Variants in GSTCD observed in about 807,000 individuals in gnomAD.
The protein encoded by GSTCD is glutathione S-transferase C-terminal domain containing, also known as glutathione S-transferase C-terminal domain-containing protein.
GSTCD carries 44 observed loss-of-function variants against 68.3 expected under a neutral mutation model. The ratio of observed to expected loss-of-function variants is 0.64; its 90% confidence interval spans 0.51 to 0.83. The LOEUF (loss-of-function observed/expected upper bound fraction) is 0.83. Ranked by LOEUF, GSTCD falls within the 40% of genes least tolerant of loss-of-function variation. GSTCD has a pLI of 0.00. For missense variants in GSTCD, 739 were observed against 735.9 expected, an observed-to-expected ratio of 1.00 and a Z score of -0.05; for synonymous variants, 273 against 255.2, an observed-to-expected ratio of 1.07 and a Z score of -0.67.
chr4:105,825,558 A>G, intron 7 of GSTCD, 114 bp from the exon 8 acceptor site: 1 of 585,780 alleles, frequency 1.7e-6, no homozygotes, highest in Non-Finnish European at 3.0e-6. Flanking sequence ...CACAGAATAG[A>G]GGCTCAATAT....
Position 105,847,252 on chromosome 4 carries a change from T to TA in GSTCD, c.*1675_*1676insA, listed in dbSNP as rs1724584529. On this transcript the variant is annotated 3_prime_UTR_variant, in exon 12 of 12. Transcript: ENST00000515279. The stretch of plus-strand genomic sequence containing the variant: ...TATCATGAGGAGAAAGCACTATCAT[T>TA]GATCATCACTATGGATTAAAATATA... 1 of 151,092 alleles carries TA rather than the reference T, an allele frequency of 6.6e-6. No homozygotes were observed. The highest frequency in any genetic ancestry group is 1.5e-5 in the Non-Finnish European group (1 of 67,948). 9.4% of individuals were successfully genotyped at this position (151,092 alleles called of 1,614,324 possible). A position where few individuals can be genotyped will look rare whatever the true frequency, so the allele number is the denominator to read the frequency against.
At chr4:105,771,535 T>A (rs1202088380) in intron 5 of GSTCD, among the ~76,000 whole-genome samples, 1 of 152,222 alleles carries the variant, frequency 6.6e-6, no homozygotes, top group East Asian at 1.9e-4. Context: ...CCATCTTAAG[T>A]TAATTATTGT....
chr4:105,843,859 CAAACT>C (rs1724449720), intron 11 of GSTCD, among the ~76,000 whole-genome samples: 1 of 121,090 alleles, frequency 8.3e-6, no homozygotes, highest in African/African-American at 3.3e-5. Flanking sequence ...TTTTAGGTAT[CAAACT>C]AAAGGGGAGT....
intron 1 of GSTCD, among the ~76,000 whole-genome samples, chr4:105,712,942 A>C (rs2149201694): frequency 6.6e-6 from 1 of 152,252 alleles, no homozygotes; most frequent in African/African-American, 2.4e-5. Context: ...TACATGTAAG[A>C]GTCAGATCAT....
At chr4:105,722,024 A>G (rs937950417) in intron 3 of GSTCD, among the ~76,000 whole-genome samples, 1 of 152,152 alleles carries the variant, frequency 6.6e-6, no homozygotes, top group Admixed American at 6.5e-5. Context: ...GTAAGCAAGT[A>G]CACTTTGACA....
chr4:105,719,508 C>G lies in GSTCD; in HGVS notation c.875C>G (p.Pro292Arg). The G allele has an allele frequency of 6.2e-7, 1 of 1,613,350 alleles. No individual in the cohort carries two copies. Among genetic ancestry groups the G allele is most frequent in the Non-Finnish European group, 8.5e-7 (1 of 1,179,400 alleles). Residue 292 changes from proline (P) to arginine (R), a missense_variant, in exon 3 of 12, where the codon CCC becomes CGC. Coordinates refer to ENST00000515279, the MANE Select transcript of GSTCD (RefSeq NM_001370181.1). Reference sequence around the variant, plus strand: ...ACTCTGGCAGATATTGTGCTCTTGCCCTGTATCCATCATTTCTTGGTAAGG... The same window carrying G: ...ACTCTGGCAGATATTGTGCTCTTGCGCTGTATCCATCATTTCTTGGTAAGG... ...YFTLADIVLL[P>R]CIHHFLVIIS...
rs551749092 is a variant in GSTCD, at chr4:105,717,826, T to G, written c.213T>G (p.Val71=). 128 of 1,614,128 alleles carry G rather than the reference T, an allele frequency of 7.9e-5. 4 individuals are homozygous for G. In the South Asian group the frequency reaches 1.3e-3, roughly 16 times the overall value. ...TAAGAGATGACCTGATCCAGGATGT[T>G]GAAATACAGATTATTTCAAGGCAGG... The part of the protein sequence containing the change: ...SLLRDDLIQD[V]EIQIISRQEL... The change falls in exon 2 of 12, where the codon GTT becomes GTG. Residue 71 remains valine, a synonymous_variant. Coordinates refer to ENST00000515279, the MANE Select transcript of GSTCD (RefSeq NM_001370181.1).
chr4:105,805,371 A>G (rs1426047526), intron 5 of GSTCD, among the ~76,000 whole-genome samples: 1 of 152,164 alleles, frequency 6.6e-6, no homozygotes, highest in African/African-American at 2.4e-5. Flanking sequence ...TTGTTTATGA[A>G]TAAAAGGATT....
At position 105,718,866 on chromosome 4, in the gene GSTCD, A is replaced by G. The variant is rs529648593; in HGVS notation, c.427-194A>G. The stretch of plus-strand genomic sequence containing the variant: ...TAATGATTTATTTAGTAAGGGGAAT[A>G]CAGGAATGCTAAACTTCTTTTGCTT... On this transcript the variant is annotated intron_variant, in intron 2 of 11. Transcript: ENST00000515279. Among the ~76,000 whole-genome samples the G allele has an allele frequency of 1.9e-4, 29 of 152,302 alleles. 1 individual carries two copies. The South Asian group carries it at 5.4e-3, about 28-fold the overall frequency.
chr4:105,803,392 C>G (rs1578488889), intron 5 of GSTCD, among the ~76,000 whole-genome samples: 1 of 151,966 alleles, frequency 6.6e-6, no homozygotes, highest in Non-Finnish European at 1.5e-5. Context: ...GTATAAAAAG[C>G]AGACTAAATT....
At chr4:105,828,050 C>T (rs545366233) in intron 8 of GSTCD, among the ~76,000 whole-genome samples, 2 of 152,206 alleles carry the variant, frequency 1.3e-5, no homozygotes, top group Admixed American at 6.5e-5. Context: ...AACAGCCTGC[C>T]ACCAACATGT....
At chr4:105,733,434 A>G (rs1466491884) in intron 5 of GSTCD, among the ~76,000 whole-genome samples, 2 of 152,164 alleles carry the variant, frequency 1.3e-5, no homozygotes, top group East Asian at 1.9e-4. Context: ...TCCATTTACC[A>G]TTATGTAATG....
intron 5 of GSTCD, among the ~76,000 whole-genome samples, chr4:105,733,571 CTA>C (rs1185993396): frequency 6.6e-6 from 1 of 152,120 alleles, no homozygotes; most frequent in East Asian, 1.9e-4. Context: ...TATTTTGAGC[CTA>C]TGTGTGTCTC....
At chr4:105,829,838 C>G (rs909467947) in intron 8 of GSTCD, among the ~76,000 whole-genome samples, 2 of 150,866 alleles carry the variant, frequency 1.3e-5, no homozygotes. Flanking sequence ...AAAGAGGGAA[C>G]GATCAGAGAA....
At chr4:105,790,025 T>G (rs1735604839) in intron 5 of GSTCD, among the ~76,000 whole-genome samples, 1 of 152,058 alleles carries the variant, frequency 6.6e-6, no homozygotes, top group Non-Finnish European at 1.5e-5. Context: ...ACTCTTAATA[T>G]TGCAGTAGGG....
At chr4:105,723,717 TA>T (rs900325946) in intron 3 of GSTCD, among the ~76,000 whole-genome samples, 12 of 151,700 alleles carry the variant, frequency 7.9e-5, no homozygotes, top group Non-Finnish European at 1.5e-4. Context: ...AAATAATATG[TA>T]AAAAAATATA....
intron 3 of GSTCD, among the ~76,000 whole-genome samples, chr4:105,725,253 C>T (rs9996911): frequency 6.6e-6 from 1 of 152,098 alleles, no homozygotes; most frequent in African/African-American, 2.4e-5. Context: ...TACTGAAGGG[C>T]ATCTTGGTTA....
At chr4:105,817,647 C>T (rs573460865) in intron 5 of GSTCD, among the ~76,000 whole-genome samples, 2 of 151,818 alleles carry the variant, frequency 1.3e-5, no homozygotes, top group East Asian at 1.9e-4. Context: ...AACAAGGTAT[C>T]ACCAAAATTT....
chr4:105,737,913 T>TCC (rs1733510912), intron 5 of GSTCD, among the ~76,000 whole-genome samples: 1 of 152,204 alleles, frequency 6.6e-6, no homozygotes, highest in Non-Finnish European at 1.5e-5. Context: ...CTTTGTGACA[T>TCC]CCTCATGGTA....
Sources: allele counts gnomAD v4.1 joint callset (sites outside exome capture counted in the v4.1 genomes callset), GRCh38; gene constraint gnomAD v4.1.1; transcripts MANE v1.5; gene names NCBI Gene and HGNC (gene_info 2026-07-23, HGNC 2026-07-21).